Variants in DOCK2 observed in about 807,000 individuals in gnomAD.
DOCK2 encodes dedicator of cytokinesis 2, also known as dedicator of cytokinesis protein 2.
Under a neutral mutation model 248.9 loss-of-function variants are expected in DOCK2, and 87 were observed. The observed-to-expected ratio is 0.35, with a 90% CI of 0.29 to 0.42. The LOEUF is 0.42. Ranked by LOEUF, DOCK2 falls within the 10% of genes least tolerant of loss-of-function variation. The pLI is 1.00. For missense variants in DOCK2, 1,747 were observed against 2,300.2 expected (o/e 0.76, Z 4.92); for synonymous variants, 805 against 821.6 (o/e 0.98, Z 0.35).
intron 27 of DOCK2, among the ~76,000 whole-genome samples, chr5:169,897,823 C>T (rs146988504): frequency 6.6e-6 from 1 of 152,302 alleles, no homozygotes; most frequent in Non-Finnish European, 1.5e-5. Flanking sequence ...TCCCAGGATA[C>T]TTTAATTTTC....
intron 42 of DOCK2, among the ~76,000 whole-genome samples, chr5:170,055,722 C>A (rs1429462623): frequency 6.6e-6 from 1 of 152,230 alleles, no homozygotes; most frequent in Non-Finnish European, 1.5e-5. Context: ...CAGAGTGTGG[C>A]TGGGCAAGTG....
At chr5:170,008,091 A>G (rs1039318932) in intron 30 of DOCK2, among the ~76,000 whole-genome samples, 2 of 151,974 alleles carry the variant, frequency 1.3e-5, no homozygotes, top group Non-Finnish European at 2.9e-5. Context: ...GAACTATCTT[A>G]CCCTTCGTCA....
chr5:169,868,483 G>A (rs59272885), intron 27 of DOCK2, among the ~76,000 whole-genome samples: 303 of 152,310 alleles, frequency 2.0e-3, no homozygotes, highest in Middle Eastern at 0.01. Flanking sequence ...AATAGGCTGG[G>A]CGCAGTGGCT....
chr5:169,971,254 C>G (rs1777496846), intron 27 of DOCK2, among the ~76,000 whole-genome samples: 1 of 152,032 alleles, frequency 6.6e-6, no homozygotes, highest in African/African-American at 2.4e-5. Context: ...AAGTATCATT[C>G]CCAGAGCAGG....
intron 27 of DOCK2, among the ~76,000 whole-genome samples, chr5:169,848,987 C>A (rs986555746): frequency 6.6e-6 from 1 of 152,042 alleles, no homozygotes; most frequent in Non-Finnish European, 1.5e-5. Flanking sequence ...CTGAGCCAGA[C>A]CATGAGCCCA....
At chr5:170,067,477 G>A (rs1757533581) in intron 44 of DOCK2, 33 bp from the exon 45 acceptor site, 1 of 1,598,950 alleles carries the variant, frequency 6.3e-7, no homozygotes, top group Admixed American at 1.7e-5. Context: ...CTTAACTAAG[G>A]CCCTTTCTTC....
chr5:169,892,777 G>A (rs1773371485), intron 27 of DOCK2, among the ~76,000 whole-genome samples: 1 of 152,156 alleles, frequency 6.6e-6, no homozygotes, highest in Non-Finnish European at 1.5e-5. Flanking sequence ...GGACAGTAGA[G>A]TGAACATAAC....
intron 26 of DOCK2, among the ~76,000 whole-genome samples, chr5:169,832,384 G>T (rs550312824): frequency 2.6e-5 from 4 of 152,304 alleles, no homozygotes; most frequent in African/African-American, 9.6e-5. Flanking sequence ...CCCAAGTCCC[G>T]CCTGGCACAT....
intron 25 of DOCK2, among the ~76,000 whole-genome samples, chr5:169,777,443 G>A (rs904713896): frequency 2.6e-5 from 4 of 152,334 alleles, no homozygotes; most frequent in African/African-American, 7.2e-5. Flanking sequence ...ATCCAGGCTG[G>A]AGAGACTGCC....
At chr5:169,939,188 G>T (rs1319841608) in intron 27 of DOCK2, among the ~76,000 whole-genome samples, 1 of 150,584 alleles carries the variant, frequency 6.6e-6, no homozygotes, top group Non-Finnish European at 1.5e-5. Flanking sequence ...ACAGGCGTGA[G>T]CCACTGTGCC....
At chr5:169,738,834 G>T (rs565924952) in intron 22 of DOCK2, among the ~76,000 whole-genome samples, 1 of 152,296 alleles carries the variant, frequency 6.6e-6, no homozygotes, top group Non-Finnish European at 1.5e-5. Flanking sequence ...GTCTGTAAAT[G>T]CTAGTCTGGT....
chr5:169,741,469 C>T (rs1763298180), intron 22 of DOCK2, among the ~76,000 whole-genome samples: 1 of 152,162 alleles, frequency 6.6e-6, no homozygotes, highest in South Asian at 2.1e-4. Context: ...AGAGAATACA[C>T]ATCACTCCTT....
chr5:169,864,356 G>A (rs1444097751), intron 27 of DOCK2: 3 of 1,551,470 alleles, frequency 1.9e-6, no homozygotes, highest in South Asian at 2.4e-5. Context: ...GGTTCTGCTG[G>A]GGACTTTGGT....
At chr5:170,056,575 C>A in intron 42 of DOCK2, 109 bp from the exon 43 acceptor site, 1 of 816,050 alleles carries the variant, frequency 1.2e-6, no homozygotes, top group Non-Finnish European at 2.0e-6. Flanking sequence ...AGGGACTCTG[C>A]CAGGCCTGAA....
intron 13 of DOCK2, 124 bp downstream of exon 13, chr5:169,700,263 G>A: frequency 7.2e-7 from 1 of 1,397,382 alleles, no homozygotes; most frequent in East Asian, 2.4e-5. Context: ...TTCTGTCCCT[G>A]AAGGTAACAA....
chr5:169,745,263 T>G (rs77917027), intron 22 of DOCK2, among the ~76,000 whole-genome samples: 2,467 of 152,282 alleles, frequency 0.016, 75 homozygotes, highest in African/African-American at 0.057. Flanking sequence ...TGGTCCCATC[T>G]TTTCTACTTT....
At chr5:169,914,128 TACATCCTGAAGACA>T (rs1774751875) in intron 27 of DOCK2, among the ~76,000 whole-genome samples, 1 of 152,180 alleles carries the variant, frequency 6.6e-6, no homozygotes, top group Admixed American at 6.5e-5. Context: ...ATAGATATTA[TACATCCTGAAGACA>T]ACCCTTCAAA....
chr5:169,719,659 C>T (rs959116012), intron 22 of DOCK2, among the ~76,000 whole-genome samples: 5 of 152,124 alleles, frequency 3.3e-5, no homozygotes, highest in Admixed American at 3.3e-4. Flanking sequence ...TGTTGATTGT[C>T]TTATAAGGCA....
intron 27 of DOCK2, among the ~76,000 whole-genome samples, chr5:169,953,893 A>G (rs1401374130): frequency 6.6e-6 from 1 of 152,230 alleles, no homozygotes; most frequent in Non-Finnish European, 1.5e-5. Context: ...CCTCATCAGT[A>G]GAATAGGAAT....
Sources: allele counts gnomAD v4.1 joint callset (sites outside exome capture counted in the v4.1 genomes callset), GRCh38; gene constraint gnomAD v4.1.1; transcripts MANE v1.5; gene names NCBI Gene and HGNC (gene_info 2026-07-23, HGNC 2026-07-21).